DNAAF1: variants seen among roughly 807,000 people sequenced by gnomAD.
DNAAF1 encodes dynein assembly factor 1, axonemal.
In DNAAF1, 65 loss-of-function variants were observed where a neutral mutation model predicts 71.1. The observed-to-expected ratio is 0.91, with a 90% CI of 0.75 to 1.12. The LOEUF is 1.12. Ranked by LOEUF, DNAAF1 falls within the 50% of genes most tolerant of loss-of-function variation. The probability of loss-of-function intolerance (pLI) is 0.00; values close to 1 mark genes in which losing one functional copy is unlikely to be tolerated. For missense variants in DNAAF1, 1,178 were observed against 899.8 expected, an observed-to-expected ratio of 1.31 and a Z score of -3.96; for synonymous variants, 414 against 354.6, an observed-to-expected ratio of 1.17 and a Z score of -1.88.
intron 8 of DNAAF1, 31 bp downstream of exon 8, chr16:84,170,387 C>G: frequency 6.2e-7 from 1 of 1,613,236 alleles, no homozygotes; most frequent in Non-Finnish European, 8.5e-7. Context: ...CACACAGACA[C>G]ACACACCTCT....
chr16:84,175,925 G>C lies in DNAAF1; in HGVS notation c.1699-8G>C. On this transcript the variant is annotated splice_region_variant and splice_polypyrimidine_tract_variant and intron_variant, in intron 10 of 11. Transcript: ENST00000378553. ...GAAACTTTCAGACACCTTTTCTTCT[G>C]TAAATAGAATATGTGCTTTCCGAAG... 6.2e-7 allele frequency: 1 copy of C among 1,613,876 alleles called. No individual in the cohort carries two copies. The highest frequency in any genetic ancestry group is 8.5e-7 in the Non-Finnish European group (1 of 1,180,024).
At chr16:84,150,915 G>C (rs1306289346) in intron 3 of DNAAF1, among the ~76,000 whole-genome samples, 1 of 152,082 alleles carries the variant, frequency 6.6e-6, no homozygotes, top group African/African-American at 2.4e-5. Context: ...CACCCAGCCA[G>C]GACTTTAATT....
In DNAAF1 at chr16:84,177,772, A is replaced by G. The variant is rs35214636; in HGVS notation, c.2109A>G (p.Gly703=). The change falls in exon 12 of 12, where the codon GGA becomes GGG. Residue 703 remains glycine (G), a synonymous_variant. Transcript: ENST00000378553. ...SAATPPETCV[G]VAQPSQALPT... ...CCACACCCCCAGAGACGTGTGTCGG[A>G]GTTGCCCAGCCCAGCCAAGCTCTGC... The G allele has an allele frequency of 8.7e-4, 1,407 of 1,614,036 alleles. 9 individuals are homozygous for G. In the African/African-American group the frequency reaches 0.017, roughly 19 times the overall value.
At chr16:84,168,733 A>G (rs2088155228) in intron 7 of DNAAF1, among the ~76,000 whole-genome samples, 1 of 152,144 alleles carries the variant, frequency 6.6e-6, no homozygotes, top group South Asian at 2.1e-4. Flanking sequence ...AAAAATTTTC[A>G]GAAAAGCTGA....
Position 84,155,574 on chromosome 16 carries a change from A to G in DNAAF1, c.575-9A>G. The G allele has an allele frequency of 6.2e-7, 1 of 1,613,822 alleles. No homozygotes were observed. Among genetic ancestry groups the G allele is most frequent in the African/African-American group, 1.3e-5 (1 of 74,920 alleles). On this transcript the variant is annotated splice_polypyrimidine_tract_variant and intron_variant, in intron 4 of 11. Coordinates refer to ENST00000378553, the MANE Select transcript of DNAAF1 (RefSeq NM_178452.6). ...TTTGTTTTTGACTTCTGCTGACCTT[A>G]CCTTCCAGCCTGCCTCCCAGTCCTG...
chr16:84,164,923 C>T (rs1463965795), intron 6 of DNAAF1, among the ~76,000 whole-genome samples: 3 of 152,122 alleles, frequency 2.0e-5, no homozygotes, highest in Non-Finnish European at 4.4e-5. Context: ...TCCTCATTAG[C>T]GCAGCGTTGC....
chr16:84,172,748 TATC>T, intron 9 of DNAAF1: 1 of 1,154,782 alleles, frequency 8.7e-7, no homozygotes, highest in Non-Finnish European at 1.1e-6. Context: ...AGTTACATTG[TATC>T]ATCAGTTACA....
At chr16:84,146,021 C>A (rs1201259634) in intron 1 of DNAAF1, among the ~76,000 whole-genome samples, 2 of 152,016 alleles carry the variant, frequency 1.3e-5, no homozygotes, top group African/African-American at 4.8e-5. Context: ...CGCTTGAACC[C>A]GGGAGGCGGA....
intron 11 of DNAAF1, chr16:84,177,434 T>A: frequency 2.7e-6 from 1 of 377,058 alleles, no homozygotes; most frequent in Middle Eastern, 9.1e-4. Flanking sequence ...CGTCAAGGGA[T>A]TTTCCTGCCT....
chr16:84,149,025 A>G lies in DNAAF1; in HGVS notation c.143A>G (p.Glu48Gly). ...TTTACAGAAATTAATGATCCTAAGG[A>G]AATATGTGTGGGTTCTTCTGACACA... is the stretch of plus-strand genomic sequence containing the variant. ...GCKEEINDPK[E>G]ICVGSSDTSY... is the part of the protein sequence containing the mutation. The change falls in exon 2 of 12, where the codon GAA (glutamate) becomes GGA (glycine). Residue 48 changes from glutamate (E) to glycine (G), a missense_variant. Transcript: ENST00000378553. The G allele has an allele frequency of 3.1e-6, 5 of 1,614,112 alleles. No homozygotes were observed. Among genetic ancestry groups the G allele is most frequent in the Non-Finnish European group, 4.2e-6 (5 of 1,180,010 alleles).
chr16:84,176,688 C>T (rs531166958), intron 11 of DNAAF1: 21 of 345,536 alleles, frequency 6.1e-5, no homozygotes, highest in Admixed American at 5.7e-4. Flanking sequence ...ACCACCAACA[C>T]CACTGCTGGG....
chr16:84,146,252 G>A (rs1216514235), intron 1 of DNAAF1, among the ~76,000 whole-genome samples: 1 of 152,142 alleles, frequency 6.6e-6, no homozygotes, highest in Non-Finnish European at 1.5e-5. Context: ...CACTATGTAA[G>A]ATCAAAGGCT....
At chr16:84,157,289 C>G (rs903608053) in intron 5 of DNAAF1, among the ~76,000 whole-genome samples, 1 of 151,744 alleles carries the variant, frequency 6.6e-6, no homozygotes, top group African/African-American at 2.4e-5. Flanking sequence ...TTGGGAGGCC[C>G]AGGTGGGCAG....
chr16:84,159,592 A>C, intron 5 of DNAAF1, 83 bp from the exon 6 acceptor site: 2 of 1,526,600 alleles, frequency 1.3e-6, no homozygotes, highest in Middle Eastern at 1.7e-4. Context: ...GATTTTGTTC[A>C]TTTATTCTTA....
chr16:84,162,619 G>T (rs188548582), intron 6 of DNAAF1, among the ~76,000 whole-genome samples: 1 of 151,956 alleles, frequency 6.6e-6, no homozygotes, highest in Admixed American at 6.6e-5. Context: ...AAGAGATTGA[G>T]ACCATCCTGG....
chr16:84,158,215 A>G (rs2087535573), intron 5 of DNAAF1, among the ~76,000 whole-genome samples: 1 of 152,118 alleles, frequency 6.6e-6, no homozygotes, highest in Non-Finnish European at 1.5e-5. Flanking sequence ...TCTCCAAAAA[A>G]AAACAAAAAC....
chr16:84,156,951 C>G (rs2087467174), intron 5 of DNAAF1, among the ~76,000 whole-genome samples: 1 of 149,024 alleles, frequency 6.7e-6, no homozygotes, highest in South Asian at 2.1e-4. Flanking sequence ...CTCCTGGGCT[C>G]AAGCGATCCT....
At chr16:84,153,920 T>C (rs891023794) in intron 3 of DNAAF1, among the ~76,000 whole-genome samples, 3 of 151,884 alleles carry the variant, frequency 2.0e-5, no homozygotes, top group Non-Finnish European at 2.9e-5. Flanking sequence ...CCCAGGTGGG[T>C]AATTCCAGCA....
chr16:84,177,723 CCA>C lies in DNAAF1; in HGVS notation c.2066-3_2066-2del. On this transcript the variant is annotated splice_region_variant and splice_polypyrimidine_tract_variant and intron_variant, in intron 11 of 11. Coordinates refer to ENST00000378553, the MANE Select transcript of DNAAF1 (RefSeq NM_178452.6). ...GAGAAAGCACAGGTCACCCTTCCTT[CCA>C]CAGTGCCGACTGAGAGCGCCGCCAC... 1 of 1,612,726 alleles carries C rather than the reference CCA, an allele frequency of 6.2e-7. No individual in the cohort carries two copies. The highest frequency in any genetic ancestry group is 1.3e-5 in the African/African-American group (1 of 75,012).
Sources: allele counts gnomAD v4.1 joint callset (sites outside exome capture counted in the v4.1 genomes callset), GRCh38; gene constraint gnomAD v4.1.1; transcripts MANE v1.5; gene names NCBI Gene and HGNC (gene_info 2026-07-23, HGNC 2026-07-21).